The following NOTCH3 variants were observed in gnomAD, a reference collection of about 807,000 sequenced individuals.
NOTCH3 encodes the protein notch receptor 3, also known as neurogenic locus notch homolog protein 3.
Under a neutral mutation model 213.3 loss-of-function variants are expected in NOTCH3, and 86 were observed. The ratio of observed to expected loss-of-function variants is 0.40; its 90% CI spans 0.34 to 0.48. The LOEUF is 0.48. NOTCH3 is among the 20% of genes least tolerant of loss of function. The pLI, the probability that NOTCH3 is intolerant of heterozygous loss-of-function variation, is 0.57. For missense variants in NOTCH3, 2,783 were observed against 3,272.6 expected, an observed-to-expected ratio of 0.85 and a Z score of 3.65; for synonymous variants, 1,354 against 1,355.9, an observed-to-expected ratio of 1.00 and a Z score of 0.03.
intron 16 of NOTCH3, among the ~76,000 whole-genome samples, chr19:15,183,969 G>A (rs2046860167): frequency 7.3e-6 from 1 of 136,562 alleles, no homozygotes; most frequent in East Asian, 2.3e-4. Context: ...CTTGAGCCCA[G>A]AAGGCAGAGG....
chr19:15,191,045 T>A (rs1357915974), intron 6 of NOTCH3, among the ~76,000 whole-genome samples: 4 of 143,868 alleles, frequency 2.8e-5, no homozygotes, highest in African/African-American at 5.2e-5. Context: ...TTTTATTTTT[T>A]AAATTTGAGA....
At position 15,159,775 on chromosome 19, in the gene NOTCH3, G is replaced by T. The variant is rs759045817; in HGVS notation, c.*887C>A. ...AAAAATACCTCTATTCTGCCATGAGGCTGGGCCAGAGGATTACCAGGAAGA... is the reference window on the plus strand; with the variant it reads ...AAAAATACCTCTATTCTGCCATGAGTCTGGGCCAGAGGATTACCAGGAAGA... On this transcript the variant is annotated 3_prime_UTR_variant, in exon 33 of 33. Transcript: ENST00000263388. The T allele has an allele frequency of 3.0e-5, 7 of 233,420 alleles. No homozygotes were observed. The highest frequency in any genetic ancestry group is 1.3e-3 in the Middle Eastern group (1 of 784). 14.5% of individuals were successfully genotyped at this position (233,420 alleles called of 1,614,324 possible). A position where few individuals can be genotyped will look rare whatever the true frequency, so the allele number is the denominator to read the frequency against.
At position 15,184,897 on chromosome 19, in the gene NOTCH3, G is replaced by T; in HGVS notation, c.2410+9C>A. On this transcript the variant is annotated intron_variant, in intron 15 of 32. Transcript: ENST00000263388. ...GGAGAGGAGGAGGGAAGAGAAGCAG[G>T]TGGCATACCTTGCCAGCCCTGGGGG... 2 of 1,468,610 alleles carry T rather than the reference G, an allele frequency of 1.4e-6. No homozygotes were observed. The highest frequency in any genetic ancestry group is 1.9e-6 in the Non-Finnish European group (2 of 1,071,592). The allele number at this position is 1,468,610 out of a possible 1,614,324, so 91.0% of individuals were successfully genotyped here.
intron 10 of NOTCH3, 148 bp from the exon 11 acceptor site, chr19:15,187,486 CCCCACTT>C: frequency 1.7e-6 from 1 of 598,302 alleles, no homozygotes; most frequent in South Asian, 2.0e-5. Flanking sequence ...ACCCCCCACC[CCCCACTT>C]ACTTCCACTC....
chr19:15,174,610 C>A (rs372762019), intron 24 of NOTCH3, among the ~76,000 whole-genome samples: 2 of 150,548 alleles, frequency 1.3e-5, no homozygotes, highest in Non-Finnish European at 1.5e-5. Flanking sequence ...CTTGCTCTGT[C>A]GCCCAGGCCG....
At position 15,191,921 on chromosome 19, in the gene NOTCH3, C is replaced by T. The variant is rs201852719; in HGVS notation, c.679+39G>A. The T allele has an allele frequency of 5.3e-4, 860 of 1,613,738 alleles. 1 individual carries two copies. Among genetic ancestry groups the T allele is most frequent in the Non-Finnish European group, 6.6e-4 (777 of 1,180,048 alleles). ...CCGCCGGGCTGGCCTGCTGTCCCCACGCCCACCCCTCTGACTCTCCTGAGT... is the reference window on the plus strand; with the variant it reads ...CCGCCGGGCTGGCCTGCTGTCCCCATGCCCACCCCTCTGACTCTCCTGAGT... On this transcript the variant is annotated intron_variant, in intron 4 of 32. Transcript: ENST00000263388.
At position 15,170,972 on chromosome 19, in the gene NOTCH3, C is replaced by T; in HGVS notation, c.4737-147G>A. On this transcript the variant is annotated intron_variant, in intron 25 of 32. Transcript: ENST00000263388. ...CCATGGCCCACCTGCATCCACCTGG[C>T]ATCCAACCCCACTGCACCCCTAAAA... The T allele has an allele frequency of 3.7e-6, 3 of 809,042 alleles. No individual in the cohort carries two copies. The South Asian group carries it at 4.7e-5, about 13-fold the overall frequency. 50.1% of individuals were successfully genotyped at this position (809,042 alleles called of 1,614,324 possible).
At chr19:15,179,332 A>T in intron 21 of NOTCH3, 32 bp downstream of exon 21, 4 of 1,610,282 alleles carry the variant, frequency 2.5e-6, no homozygotes, top group Non-Finnish European at 2.5e-6. Flanking sequence ...ACAGCCTCTC[A>T]TCCTGTCCCC....
chr19:15,169,230 C>CTCTCTCTCTCT (rs58789779), intron 28 of NOTCH3, among the ~76,000 whole-genome samples: 2 of 139,986 alleles, frequency 1.4e-5, no homozygotes, highest in South Asian at 2.3e-4. Context: ...CTCTCTCTCT[C>CTCTCTCTCTCT]CCCTCTGTGT....
chr19:15,189,386 C>T lies in NOTCH3; in HGVS notation c.1079G>A (p.Cys360Tyr). ...HLDDACVSNPCHEDAICDTNP... is the reference protein window; with the variant it reads ...HLDDACVSNPYHEDAICDTNP... Reference sequence around the variant, plus strand: ...TGTGTCACAGATAGCATCCTCGTGGCAGGGGTTGCTGACACAGGCGTCATC... The same window carrying T: ...TGTGTCACAGATAGCATCCTCGTGGTAGGGGTTGCTGACACAGGCGTCATC... Residue 360 changes from cysteine (C) to tyrosine (Y), a missense_variant, in exon 7 of 33, where the codon TGC becomes TAC. This residue lies in a region of NOTCH3 where 708 missense variants were observed against 906.6 expected (regional missense o/e 0.78). Transcript: ENST00000263388. The T allele has an allele frequency of 6.2e-7, 1 of 1,613,908 alleles. No homozygotes were observed. The highest frequency in any genetic ancestry group is 8.5e-7 in the Non-Finnish European group (1 of 1,180,038).
At chr19:15,195,422 A>T (rs1051223662) in intron 2 of NOTCH3, among the ~76,000 whole-genome samples, 1 of 151,902 alleles carries the variant, frequency 6.6e-6, no homozygotes, top group Non-Finnish European at 1.5e-5. Flanking sequence ...GAAGCCAGAG[A>T]GTCCAAGCTC....
chr19:15,192,697 T>C (rs1392497728), intron 2 of NOTCH3, among the ~76,000 whole-genome samples, 178 bp from the exon 3 acceptor site: 2 of 152,074 alleles, frequency 1.3e-5, no homozygotes, highest in Non-Finnish European at 2.9e-5. Context: ...GGCAGATCAC[T>C]TGGGGTCAGG....
chr19:15,195,402 G>A (rs2046961550), intron 2 of NOTCH3, among the ~76,000 whole-genome samples: 1 of 152,186 alleles, frequency 6.6e-6, no homozygotes, highest in African/African-American at 2.4e-5. Context: ...GTCAGAGGGA[G>A]GGGCTTAGAG....
At position 15,185,280 on chromosome 19, in the gene NOTCH3, C is replaced by T. The variant is rs2145429406; in HGVS notation, c.2273G>A (p.Cys758Tyr). ...ACCCTGGACACCAGGCGGGCAGGTGCAGTGGAAACCCATTCCATCGCTGCT... is the reference window on the plus strand; with the variant it reads ...ACCCTGGACACCAGGCGGGCAGGTGTAGTGGAAACCCATTCCATCGCTGCT... The part of the protein sequence containing the change: ...TCSSDGMGFH[C>Y]TCPPGVQGRQ... Residue 758 changes from cysteine to tyrosine, a missense_variant, in exon 14 of 33, where the codon TGC becomes TAC. By Grantham distance (194) the Cys-to-Tyr change is radical (BLOSUM62 -2). Around this residue, in one of 6 missense-constraint regions of NOTCH3, gnomAD observed 861 missense variants for 909.1 expected, o/e 0.95. Transcript: ENST00000263388. The surrounding 1 kb of genome is among the most constrained non-coding windows in gnomAD (Gnocchi z 4.2). 6.2e-7 allele frequency: 1 copy of T among 1,613,152 alleles called. No individual in the cohort carries two copies. Among genetic ancestry groups the T allele is most frequent in the Non-Finnish European group, 8.5e-7 (1 of 1,179,990 alleles).
intron 28 of NOTCH3, among the ~76,000 whole-genome samples, chr19:15,169,515 GCC>G (rs2046713463): frequency 6.6e-6 from 1 of 151,904 alleles, no homozygotes; most frequent in African/African-American, 2.4e-5. Context: ...GATTACAGGT[GCC>G]CGCCACCATG....
chr19:15,175,555 ACAT>A (rs2046781125), intron 24 of NOTCH3, among the ~76,000 whole-genome samples: 1 of 40,242 alleles, frequency 2.5e-5, no homozygotes, highest in Non-Finnish European at 5.2e-5. Context: ...AAAAAAAAAT[ACAT>A]ATATATATAT....
intron 16 of NOTCH3, among the ~76,000 whole-genome samples, chr19:15,183,797 T>C (rs146049377): frequency 0.017 from 2,604 of 152,018 alleles, 33 homozygotes; most frequent in Non-Finnish European, 0.029. Context: ...ACGCCTGTAA[T>C]CCCAGCACTT....
rs2145433315 is a variant in NOTCH3 at position 15,187,306 on chromosome 19, C to A, written c.1639G>T (p.Asp547Tyr). The A allele has an allele frequency of 6.2e-7, 1 of 1,613,952 alleles. No homozygotes were observed. The highest frequency in any genetic ancestry group is 8.5e-7 in the Non-Finnish European group (1 of 1,179,998). Residue 547 changes from aspartate (D) to tyrosine (Y), a missense_variant, in exon 11 of 33, where the codon GAC (aspartate) becomes TAC (tyrosine). Asp to Tyr is a radical substitution (Grantham distance 160). Transcript: ENST00000263388. ...FEGTLCDRNV[D>Y]DCSPDPCHHG... is the part of the protein sequence containing the mutation. Reference sequence around the variant, plus strand: ...TGGCATGGGTCAGGGGAGCAGTCGTCCACGTTGCGATCACACAGCGTGCCC... The same window carrying A: ...TGGCATGGGTCAGGGGAGCAGTCGTACACGTTGCGATCACACAGCGTGCCC...
chr19:15,169,238 T>G (rs2046711082), intron 28 of NOTCH3, among the ~76,000 whole-genome samples: 1 of 146,778 alleles, frequency 6.8e-6, no homozygotes, highest in African/African-American at 2.5e-5. Context: ...CTCCCCTCTG[T>G]GTACACAGAG....
Sources: gnomAD v4.1 joint callset for allele counts (sites outside exome capture counted in the v4.1 genomes callset) on GRCh38, gnomAD v4.1.1 for gene constraint, gnomAD v4.1.1 regional missense constraint, Gnocchi (gnomAD v3.1) non-coding constraint, MANE v1.5 for transcripts, NCBI Gene and HGNC (gene_info 2026-07-23, HGNC 2026-07-21) for gene names.